ACSM1: variants seen among roughly 807,000 people sequenced by gnomAD.
ACSM1 encodes acyl-coenzyme A synthetase ACSM1, mitochondrial.
ACSM1 carries 79 observed loss-of-function variants against 75.8 expected under a neutral mutation model. That is an observed-to-expected ratio of 1.04 (90% CI 0.87 to 1.26). ACSM1 has a LOEUF of 1.26. Among genes scored for constraint, ACSM1 ranks in the 50% most tolerant of loss-of-function variants. The pLI, the probability that ACSM1 is intolerant of heterozygous loss-of-function variation, is 0.00. For missense variants in ACSM1, 676 were observed against 720.1 expected (o/e 0.94, Z 0.70); for synonymous variants, 279 against 265.8 (o/e 1.05, Z -0.48).
chr16:20,623,978 C>G (rs573092781), intron 13 of ACSM1, 118 bp downstream of exon 13: 2 of 1,442,938 alleles, frequency 1.4e-6, no homozygotes, highest in African/African-American at 1.4e-5. Flanking sequence ...AGAAAAAGAG[C>G]CTTCAGTGTT....
chr16:20,644,538 AACACACAC>A (rs56275246), intron 7 of ACSM1, among the ~76,000 whole-genome samples: 1,798 of 145,046 alleles, frequency 0.012, 23 homozygotes, highest in African/African-American at 0.039. Context: ...GTGATTGAGG[AACACACAC>A]ACACACACAC....
Position 20,625,526 on chromosome 16 carries a change from G to A in ACSM1, c.1428-4C>T. On this transcript the variant is annotated splice_region_variant and splice_polypyrimidine_tract_variant and intron_variant, in intron 11 of 13. Transcript: ENST00000520010. ...CTCTGCAGGCCCGATGCGATACCTG[G>A]AGGATGAAGGGTTCTGAGGCAGATG... 1 of 1,613,482 alleles carries A rather than the reference G, an allele frequency of 6.2e-7. No individual in the cohort carries two copies. The highest frequency in any genetic ancestry group is 1.3e-5 in the African/African-American group (1 of 75,054).
chr16:20,696,800 T>C (rs2079692137), intron 1 of ACSM1, among the ~76,000 whole-genome samples: 1 of 152,192 alleles, frequency 6.6e-6, no homozygotes, highest in African/African-American at 2.4e-5. Context: ...TTGGGACTGA[T>C]AAAGCTATTT....
At chr16:20,652,701 A>G (rs902178445) in intron 7 of ACSM1, among the ~76,000 whole-genome samples, 15 of 152,356 alleles carry the variant, frequency 9.8e-5, no homozygotes, top group Non-Finnish European at 1.9e-4. Context: ...AGACTAAATC[A>G]GGAAGAAGTT....
chr16:20,646,078 T>C (rs1417598156), intron 7 of ACSM1, among the ~76,000 whole-genome samples: 1 of 151,616 alleles, frequency 6.6e-6, no homozygotes, highest in Non-Finnish European at 1.5e-5. Flanking sequence ...TTTTTTATAA[T>C]AGAGATCAGG....
At chr16:20,679,205 G>A (rs1488674471) in intron 4 of ACSM1, 2 of 152,202 alleles carry the variant, frequency 1.3e-5, no homozygotes, top group African/African-American at 4.8e-5. Flanking sequence ...GAAACTAGCA[G>A]CAGCAGTGAC....
chr16:20,637,027 T>C, intron 9 of ACSM1, 187 bp from the exon 10 acceptor site: 2 of 709,950 alleles, frequency 2.8e-6, no homozygotes, highest in Non-Finnish European at 2.5e-6. Flanking sequence ...CAAGGGTCTA[T>C]GTTTCATGAG....
chr16:20,652,486 T>C (rs2018698309), intron 7 of ACSM1, among the ~76,000 whole-genome samples: 2 of 152,006 alleles, frequency 1.3e-5, no homozygotes, highest in Non-Finnish European at 2.9e-5. Context: ...TAAGAAAGAA[T>C]CTTGTATGGT....
intron 7 of ACSM1, among the ~76,000 whole-genome samples, chr16:20,653,842 T>C (rs1036562455): frequency 2.0e-5 from 3 of 152,138 alleles, no homozygotes; most frequent in African/African-American, 7.2e-5. Context: ...AGGTAATTTA[T>C]AGATTCAATG....
chr16:20,688,950 AAT>A (rs1391802945), intron 2 of ACSM1, among the ~76,000 whole-genome samples: 9 of 149,002 alleles, frequency 6.0e-5, no homozygotes, highest in South Asian at 2.1e-4. Context: ...AATAATTATA[AAT>A]ATATGTTAAC....
At chr16:20,650,265 A>G (rs2018575647) in intron 7 of ACSM1, among the ~76,000 whole-genome samples, 1 of 152,124 alleles carries the variant, frequency 6.6e-6, no homozygotes, top group African/African-American at 2.4e-5. Context: ...GTGCATTTGC[A>G]TGAGGAACTG....
chr16:20,652,544 G>A (rs183669812), intron 7 of ACSM1, among the ~76,000 whole-genome samples: 8 of 151,944 alleles, frequency 5.3e-5, no homozygotes, highest in African/African-American at 1.7e-4. Flanking sequence ...AAGAAAGAGG[G>A]ATATTTAAAA....
At chr16:20,629,895 G>C (rs1171296664) in intron 10 of ACSM1, among the ~76,000 whole-genome samples, 3 of 150,820 alleles carry the variant, frequency 2.0e-5, no homozygotes, top group Non-Finnish European at 2.9e-5. Flanking sequence ...GGGAGGCTGA[G>C]GCAAGAGAAT....
intron 7 of ACSM1, among the ~76,000 whole-genome samples, chr16:20,651,108 C>A (rs2018621776): frequency 6.6e-6 from 1 of 152,134 alleles, no homozygotes; most frequent in Admixed American, 6.5e-5. Flanking sequence ...CTCTAGCATA[C>A]CAGACTTTCT....
chr16:20,683,530 C>T (rs2079487562), intron 3 of ACSM1, among the ~76,000 whole-genome samples: 1 of 152,098 alleles, frequency 6.6e-6, no homozygotes, highest in Non-Finnish European at 1.5e-5. Flanking sequence ...CCATCTTTCT[C>T]CCCTACACCT....
intron 7 of ACSM1, among the ~76,000 whole-genome samples, chr16:20,651,031 G>A (rs1466226730): frequency 1.3e-5 from 2 of 152,166 alleles, no homozygotes; most frequent in Non-Finnish European, 2.9e-5. Context: ...TTGTGTGTGT[G>A]TGCATGTGTG....
At chr16:20,638,458 G>T (rs1248072119) in intron 8 of ACSM1, among the ~76,000 whole-genome samples, 1 of 152,168 alleles carries the variant, frequency 6.6e-6, no homozygotes, top group Non-Finnish European at 1.5e-5. Flanking sequence ...AGCATCCCAA[G>T]AATAGAGACT....
chr16:20,647,613 C>T (rs1354540826), intron 7 of ACSM1, among the ~76,000 whole-genome samples: 2 of 152,112 alleles, frequency 1.3e-5, no homozygotes, highest in Admixed American at 6.5e-5. Context: ...GCAATTCAAG[C>T]CTTCACAGCC....
chr16:20,688,017 G>A (rs1269711655), intron 2 of ACSM1, among the ~76,000 whole-genome samples: 2 of 151,820 alleles, frequency 1.3e-5, no homozygotes, highest in African/African-American at 4.8e-5. Context: ...CCCAGGAGGT[G>A]GAGATTGCAG....
Sources: allele counts gnomAD v4.1 joint callset (sites outside exome capture counted in the v4.1 genomes callset), GRCh38; gene constraint gnomAD v4.1.1; transcripts MANE v1.5; gene names NCBI Gene and HGNC (gene_info 2026-07-23, HGNC 2026-07-21).